The following PRKCA variants were observed in gnomAD, a reference collection of about 807,000 sequenced individuals.
PRKCA encodes protein kinase C alpha type.
A neutral mutation model predicts 87.0 loss-of-function variants in PRKCA; 27 were observed. That is an observed-to-expected ratio of 0.31 (90% CI 0.23 to 0.43). The LOEUF (loss-of-function observed/expected upper bound fraction) is 0.43. Among genes scored for constraint, PRKCA ranks in the 20% least tolerant of loss-of-function variants. The pLI, the probability that PRKCA is intolerant of heterozygous loss-of-function variation, is 1.00. For missense variants in PRKCA, 518 were observed against 852.3 expected (o/e 0.61, Z 4.88); for synonymous variants, 329 against 311.1 (o/e 1.06, Z -0.61).
chr17:66,804,094 G>A lies in PRKCA; in HGVS notation c.*57G>A, dbSNP rs1475464457. On this transcript the variant is annotated 3_prime_UTR_variant, in exon 17 of 17. Coordinates refer to ENST00000413366, the MANE Select transcript of PRKCA (RefSeq NM_002737.3). ...CCCCCAGCCCTCCCCGCAGTGGGAAGTGAATCCTTAACCCTAAAATTTTAA... is the reference window on the plus strand; with the variant it reads ...CCCCCAGCCCTCCCCGCAGTGGGAAATGAATCCTTAACCCTAAAATTTTAA... 2 of 1,562,444 alleles carry A rather than the reference G, an allele frequency of 1.3e-6. No individual in the cohort carries two copies. Among genetic ancestry groups the A allele is most frequent in the Non-Finnish European group, 1.7e-6 (2 of 1,150,478 alleles).
chr17:66,416,833 G>C (rs972755861), intron 2 of PRKCA: 1 of 150,078 alleles, frequency 6.7e-6, no homozygotes, highest in Non-Finnish European at 1.5e-5. Flanking sequence ...TGGATTGTCT[G>C]TCTGAGATCT....
Position 66,808,148 on chromosome 17 carries a change from A to G in PRKCA, c.*4111A>G, listed in dbSNP as rs1976075357. The G allele has an allele frequency of 6.6e-6, 1 of 152,128 alleles. No individual in the cohort carries two copies. The highest frequency in any genetic ancestry group is 1.5e-5 in the Non-Finnish European group (1 of 68,036). 9.4% of individuals were successfully genotyped at this position (152,128 alleles called of 1,614,324 possible). Reference sequence around the variant, plus strand: ...GACCATCCAGTGTACCCCAGAGGCCAGTAGGTTCCTGCCCATTTTCCTCTC... The same window carrying G: ...GACCATCCAGTGTACCCCAGAGGCCGGTAGGTTCCTGCCCATTTTCCTCTC... On this transcript the variant is annotated 3_prime_UTR_variant, in exon 17 of 17. Coordinates refer to ENST00000413366, the MANE Select transcript of PRKCA (RefSeq NM_002737.3).
At chr17:66,328,466 G>T (rs1906123945) in intron 2 of PRKCA, among the ~76,000 whole-genome samples, 1 of 152,032 alleles carries the variant, frequency 6.6e-6, no homozygotes. Context: ...GCCAGCAACT[G>T]CAAAGGCCCT....
chr17:66,629,476 C>T (rs1270529961), intron 3 of PRKCA, among the ~76,000 whole-genome samples: 1 of 152,146 alleles, frequency 6.6e-6, no homozygotes, highest in East Asian at 1.9e-4. Context: ...ATCTTGCAGA[C>T]TCTGAATAAA....
At position 66,390,241 on chromosome 17, in the gene PRKCA, C is replaced by T. The variant is rs543415597; in HGVS notation, c.205+84114C>T. 2.2e-4 allele frequency among the ~76,000 whole-genome samples: 33 copies of T among 151,422 alleles called. No individual in the cohort carries two copies. The East Asian group carries it at 4.7e-3, about 21-fold the overall frequency. The stretch of plus-strand genomic sequence containing the variant: ...CAGTCTCAAAAAAGAAAAAAAAAAT[C>T]ATGAAGAGTGGACCTTTTTGCAATT... On this transcript the variant is annotated intron_variant, in intron 2 of 16. Coordinates refer to ENST00000413366, the MANE Select transcript of PRKCA (RefSeq NM_002737.3).
chr17:66,730,839 T>C (rs1299720381), intron 8 of PRKCA, among the ~76,000 whole-genome samples: 2 of 152,198 alleles, frequency 1.3e-5, no homozygotes, highest in African/African-American at 2.4e-5. Flanking sequence ...GGGGGCTCAA[T>C]CAGTACTTGT....
chr17:66,602,565 G>C (rs1027071327), intron 3 of PRKCA, among the ~76,000 whole-genome samples: 1 of 152,178 alleles, frequency 6.6e-6, no homozygotes, highest in Non-Finnish European at 1.5e-5. Context: ...GACCGGAGCT[G>C]TTCCTATTCG....
chr17:66,718,854 C>T (rs887622889), intron 8 of PRKCA, among the ~76,000 whole-genome samples: 2 of 152,188 alleles, frequency 1.3e-5, no homozygotes, highest in African/African-American at 4.8e-5. Context: ...AACACATATA[C>T]ACAGCCACAT....
rs9909408 is a variant in PRKCA, at chr17:66,405,046, G to A, written c.206-91155G>A. ...ATTACAGGTGTGAGCCACTGCGCCC[G>A]GCCAAGAGAGGGGTAGGCCTTTTTG... On this transcript the variant is annotated intron_variant, in intron 2 of 16. Coordinates refer to ENST00000413366, the MANE Select transcript of PRKCA (RefSeq NM_002737.3). Among the ~76,000 whole-genome samples, 1,393 of 152,124 alleles carry A rather than the reference G, an allele frequency of 9.2e-3. 24 individuals carry two copies. Among genetic ancestry groups the A allele is most frequent in the African/African-American group, 0.032 (1,330 of 41,506 alleles).
At chr17:66,718,335 CAG>C (rs1973528506) in intron 8 of PRKCA, among the ~76,000 whole-genome samples, 1 of 152,118 alleles carries the variant, frequency 6.6e-6, no homozygotes, top group South Asian at 2.1e-4. Flanking sequence ...TATTTAGAGA[CAG>C]GGTCTCATTC....
At chr17:66,690,716 T>G (rs1463742028) in intron 8 of PRKCA, among the ~76,000 whole-genome samples, 1 of 149,796 alleles carries the variant, frequency 6.7e-6, no homozygotes, top group Non-Finnish European at 1.5e-5. Context: ...TACTCCCAGC[T>G]ACTCCAGAGG....
At chr17:66,567,472 C>A (rs1287724153) in intron 3 of PRKCA, among the ~76,000 whole-genome samples, 1 of 152,170 alleles carries the variant, frequency 6.6e-6, no homozygotes, top group African/African-American at 2.4e-5. Context: ...TCCTGCCAGG[C>A]CACAGGCAGG....
intron 8 of PRKCA, among the ~76,000 whole-genome samples, chr17:66,723,126 G>C (rs1384786367): frequency 6.6e-6 from 1 of 151,232 alleles, no homozygotes; most frequent in Non-Finnish European, 1.5e-5. Context: ...ATGAGCTCCT[G>C]CAAAGCCCAT....
At chr17:66,529,823 A>G (rs1967479617) in intron 3 of PRKCA, among the ~76,000 whole-genome samples, 1 of 152,164 alleles carries the variant, frequency 6.6e-6, no homozygotes, top group Non-Finnish European at 1.5e-5. Context: ...CACAGTCAAA[A>G]TTCTCTTCTT....
At chr17:66,670,378 G>A (rs987987462) in intron 5 of PRKCA, among the ~76,000 whole-genome samples, 7 of 152,160 alleles carry the variant, frequency 4.6e-5, no homozygotes. Flanking sequence ...TAATTTTACA[G>A]TAACAAAAAG....
chr17:66,671,257 A>G (rs1972176014), intron 5 of PRKCA, among the ~76,000 whole-genome samples: 1 of 150,962 alleles, frequency 6.6e-6, no homozygotes, highest in African/African-American at 2.4e-5. Flanking sequence ...GCAAGTAACT[A>G]GGAGACAGAG....
At chr17:66,356,913 C>T (rs944895464) in intron 2 of PRKCA, among the ~76,000 whole-genome samples, 5 of 152,124 alleles carry the variant, frequency 3.3e-5, no homozygotes, top group Non-Finnish European at 4.4e-5. Context: ...CCACCATGCC[C>T]TGCTATTTAT....
At chr17:66,322,586 C>T (rs1328313649) in intron 2 of PRKCA, among the ~76,000 whole-genome samples, 4 of 151,896 alleles carry the variant, frequency 2.6e-5, no homozygotes, top group Non-Finnish European at 5.9e-5. Flanking sequence ...CCTTAGCCAC[C>T]CAAGTAGCTA....
intron 3 of PRKCA, among the ~76,000 whole-genome samples, chr17:66,575,304 T>G (rs766033503): frequency 1.3e-5 from 2 of 152,198 alleles, no homozygotes; most frequent in Non-Finnish European, 2.9e-5. Flanking sequence ...TTGGGCCAGG[T>G]GTGGTAGCTC....
Sources: gnomAD v4.1 joint callset for allele counts (sites outside exome capture counted in the v4.1 genomes callset) on GRCh38, gnomAD v4.1.1 for gene constraint, MANE v1.5 for transcripts, NCBI Gene and HGNC (gene_info 2026-07-23, HGNC 2026-07-21) for gene names.